Variants in CEP83 observed in about 807,000 individuals in gnomAD.
The protein encoded by CEP83 is centrosomal protein 83, also known as centrosomal protein of 83 kDa.
In CEP83, 70 loss-of-function variants were observed where a neutral mutation model predicts 101.9. The ratio of observed to expected loss-of-function variants is 0.69; its 90% CI spans 0.57 to 0.84. The LOEUF is 0.84. CEP83 is among the 40% of genes least tolerant of loss of function. The probability of loss-of-function intolerance (pLI) is 0.00; values close to 1 mark genes in which losing one functional copy is unlikely to be tolerated. For synonymous variants in CEP83, 264 were observed against 267.9 expected (o/e 0.99, Z 0.14); for missense variants, 715 against 787.2 (o/e 0.91, Z 1.10).
At chr12:94,371,604 C>T (rs1218782695) in intron 8 of CEP83, among the ~76,000 whole-genome samples, 2 of 151,998 alleles carry the variant, frequency 1.3e-5, no homozygotes, top group African/African-American at 2.4e-5. Context: ...CAAATACATA[C>T]ACATCAAATA....
the CEP83 span, among the ~76,000 whole-genome samples, chr12:94,295,080 G>A: frequency 6.6e-6 from 1 of 152,174 alleles, no homozygotes; most frequent in Non-Finnish European, 1.5e-5. Flanking sequence ...GATAGCCCTG[G>A]GGCAGGAAAT....
chr12:94,444,734 A>T (rs2066672157), intron 1 of CEP83, among the ~76,000 whole-genome samples: 2 of 152,270 alleles, frequency 1.3e-5, no homozygotes, highest in Middle Eastern at 6.8e-3. Flanking sequence ...GTGGTGGCTC[A>T]TGCCCGTAAT....
At chr12:94,333,752 G>A in intron 12 of CEP83, 113 bp from the exon 13 acceptor site, 2 of 974,948 alleles carry the variant, frequency 2.1e-6, no homozygotes, top group South Asian at 1.5e-5. Flanking sequence ...TCAAGCTGGT[G>A]TGTCCTTGGA....
At chr12:94,313,308 T>C in intron 14 of CEP83, 1 of 214,712 alleles carries the variant, frequency 4.7e-6, no homozygotes, top group South Asian at 7.8e-5. Flanking sequence ...CAAATTTTAC[T>C]ACTGAGTCTG....
chr12:94,429,547 C>A (rs1239187930), intron 2 of CEP83, among the ~76,000 whole-genome samples: 1 of 152,192 alleles, frequency 6.6e-6, no homozygotes, highest in Non-Finnish European at 1.5e-5. Context: ...TGGAGTCCCA[C>A]TGACATACCC....
chr12:94,435,617 T>C (rs1197324381), intron 1 of CEP83, among the ~76,000 whole-genome samples: 1 of 152,094 alleles, frequency 6.6e-6, no homozygotes, highest in Non-Finnish European at 1.5e-5. Flanking sequence ...GGCAAGATTA[T>C]ATCCCCCTTC....
chr12:94,400,593 A>G (rs1426183214), intron 6 of CEP83, among the ~76,000 whole-genome samples: 1 of 152,136 alleles, frequency 6.6e-6, no homozygotes, highest in Non-Finnish European at 1.5e-5. Flanking sequence ...ACTTTGTACA[A>G]TGAAACTCCC....
chr12:94,289,722 T>A, the CEP83 span, among the ~76,000 whole-genome samples: 5 of 152,220 alleles, frequency 3.3e-5, no homozygotes, highest in African/African-American at 7.2e-5. Flanking sequence ...AACGGAAACC[T>A]TTCCCCCACA....
At chr12:94,367,994 T>A (rs747268876) in intron 10 of CEP83, 51 bp from the exon 11 acceptor site, 1 of 1,605,536 alleles carries the variant, frequency 6.2e-7, no homozygotes, top group East Asian at 2.2e-5. Flanking sequence ...AAAGATGATA[T>A]GACAGCAAAA....
chr12:94,397,531 A>G (rs1377011103), intron 6 of CEP83, among the ~76,000 whole-genome samples: 1 of 152,134 alleles, frequency 6.6e-6, no homozygotes, highest in Non-Finnish European at 1.5e-5. Context: ...TAAATTAATG[A>G]CTATACCAAC....
chr12:94,366,950 AT>A (rs1035755293), intron 11 of CEP83, among the ~76,000 whole-genome samples: 3 of 152,162 alleles, frequency 2.0e-5, no homozygotes, highest in Non-Finnish European at 2.9e-5. Context: ...AACAAAAAAA[AT>A]AACAAAATCT....
At chr12:94,325,719 G>A (rs1178399909) in intron 14 of CEP83, among the ~76,000 whole-genome samples, 2 of 152,114 alleles carry the variant, frequency 1.3e-5, no homozygotes, top group Non-Finnish European at 2.9e-5. Flanking sequence ...TTAGTAATAG[G>A]AATGAAAAGA....
rs577874901 is a variant in CEP83, at chr12:94,321,960, A to G, written c.1708-8943T>C. 3.9e-5 allele frequency among the ~76,000 whole-genome samples: 6 copies of G among 152,064 alleles called. No individual in the cohort carries two copies. The South Asian group carries it at 1.2e-3, about 32-fold the overall frequency. ...GTCCGCTCCAATCCCTTTTCATCTTAAATTTTCCAGTACCTGAAGATATCA... is the reference window on the plus strand; with the variant it reads ...GTCCGCTCCAATCCCTTTTCATCTTGAATTTTCCAGTACCTGAAGATATCA... On this transcript the variant is annotated intron_variant, in intron 14 of 16. Transcript: ENST00000397809.
chr12:94,407,411 T>C (rs1282447342), intron 4 of CEP83, among the ~76,000 whole-genome samples: 3 of 152,280 alleles, frequency 2.0e-5, no homozygotes, highest in East Asian at 1.9e-4. Flanking sequence ...AAAGATAACC[T>C]GTGCTCACTA....
chr12:94,419,777 C>A (rs1023307683), intron 2 of CEP83, among the ~76,000 whole-genome samples: 2 of 151,938 alleles, frequency 1.3e-5, no homozygotes, highest in African/African-American at 4.8e-5. Context: ...GCCACTGGGA[C>A]AACTAGATAA....
At chr12:94,327,097 T>C (rs1203242024) in intron 14 of CEP83, among the ~76,000 whole-genome samples, 1 of 152,180 alleles carries the variant, frequency 6.6e-6, no homozygotes, top group Non-Finnish European at 1.5e-5. Flanking sequence ...AGTCCAGAGG[T>C]AAAATTAGTG....
At chr12:94,330,276 G>GCACA (rs143826389) in intron 14 of CEP83, among the ~76,000 whole-genome samples, 3 of 149,420 alleles carry the variant, frequency 2.0e-5, no homozygotes, top group East Asian at 2.0e-4. Flanking sequence ...CATATAACAC[G>GCACA]CACACACACA....
intron 2 of CEP83, among the ~76,000 whole-genome samples, chr12:94,420,969 GGA>G (rs2064694867): frequency 6.6e-6 from 1 of 151,994 alleles, no homozygotes; most frequent in East Asian, 1.9e-4. Context: ...GTGGATATAT[GGA>G]GGTTTGCTTT....
intron 6 of CEP83, among the ~76,000 whole-genome samples, chr12:94,390,797 T>C (rs1472483896): frequency 6.6e-6 from 1 of 151,856 alleles, no homozygotes; most frequent in Non-Finnish European, 1.5e-5. Context: ...CCTGATGGAG[T>C]GCAAACCATG....
Sources: gnomAD v4.1 joint callset for allele counts (sites outside exome capture counted in the v4.1 genomes callset) on GRCh38, gnomAD v4.1.1 for gene constraint, MANE v1.5 for transcripts, NCBI Gene and HGNC (gene_info 2026-07-23, HGNC 2026-07-21) for gene names.